The following CDC73 variants were observed in gnomAD, a reference collection of about 807,000 sequenced individuals.
CDC73 encodes parafibromin.
CDC73 carries 21 observed loss-of-function variants against 83.7 expected under a neutral mutation model. The observed-to-expected ratio is 0.25, with a 90% CI of 0.18 to 0.36. The LOEUF (loss-of-function observed/expected upper bound fraction) is 0.36, where lower values mean the gene tolerates loss of function less well. CDC73 is among the 10% of genes least tolerant of loss of function. The pLI, the probability that CDC73 is intolerant of heterozygous loss-of-function variation, is 1.00. For synonymous variants in CDC73, 224 were observed against 212.9 expected (o/e 1.05, Z -0.45); for missense variants, 342 against 653.3 (o/e 0.52, Z 5.19).
intron 10 of CDC73, among the ~76,000 whole-genome samples, chr1:193,182,277 A>T (rs908633171): frequency 5.9e-5 from 9 of 152,174 alleles, no homozygotes; most frequent in African/African-American, 1.9e-4. Context: ...TTCAGGGTCT[A>T]GTAACTTCAG....
At chr1:193,250,183 A>G (rs1312408208) in intron 16 of CDC73, among the ~76,000 whole-genome samples, 2 of 152,038 alleles carry the variant, frequency 1.3e-5, no homozygotes, top group Middle Eastern at 3.4e-3. Context: ...ACTTTGGATT[A>G]AGAGAACCCT....
rs564049164 is a variant in CDC73 at position 193,141,507 on chromosome 1, C to CTG, written c.513-333_513-332dup. ...TTTTTACCTCCTTCCAAAGTGGCATCTGTGTGTGTGTTTAATTTCCATAGA... is the reference window on the plus strand; with the variant it reads ...TTTTTACCTCCTTCCAAAGTGGCATCTGTGTGTGTGTGTTTAATTTCCATAGA... On this transcript the variant is annotated intron_variant, in intron 6 of 16. Transcript: ENST00000367435. Among the ~76,000 whole-genome samples the CTG allele has an allele frequency of 1.7e-4, 26 of 152,164 alleles. No homozygotes were observed. The South Asian group carries it at 5.0e-3, about 29-fold the overall frequency.
At chr1:193,163,506 G>A (rs187592702) in intron 10 of CDC73, among the ~76,000 whole-genome samples, 1 of 151,390 alleles carries the variant, frequency 6.6e-6, no homozygotes, top group African/African-American at 2.4e-5. Context: ...GACCCTGCCC[G>A]CCCCCCAAAA....
intron 9 of CDC73, among the ~76,000 whole-genome samples, chr1:193,150,975 T>A (rs1195973340): frequency 2.0e-5 from 3 of 152,236 alleles, no homozygotes; most frequent in Admixed American, 2.0e-4. Flanking sequence ...TTAAGTCATT[T>A]TTCCCAAGTT....
intron 14 of CDC73, among the ~76,000 whole-genome samples, chr1:193,234,215 A>G (rs1677713214): frequency 8.6e-6 from 1 of 116,794 alleles, no homozygotes; most frequent in Admixed American, 8.4e-5. Context: ...ACACACACAC[A>G]CACACATATA....
intron 10 of CDC73, among the ~76,000 whole-genome samples, chr1:193,195,462 G>T (rs984789980): frequency 3.3e-5 from 5 of 152,006 alleles, no homozygotes; most frequent in African/African-American, 1.2e-4. Flanking sequence ...ATGAACTTGG[G>T]TGTAAAAATA....
At chr1:193,162,735 C>T (rs1309722490) in intron 10 of CDC73, among the ~76,000 whole-genome samples, 1 of 152,034 alleles carries the variant, frequency 6.6e-6, no homozygotes, top group Non-Finnish European at 1.5e-5. Context: ...ACAGTGAATT[C>T]TGGACATTAT....
At chr1:193,154,320 A>G (rs1428560013) in intron 10 of CDC73, among the ~76,000 whole-genome samples, 1 of 152,108 alleles carries the variant, frequency 6.6e-6, no homozygotes, top group African/African-American at 2.4e-5. Flanking sequence ...TTATTATCTG[A>G]GCTTCTTTGC....
intron 10 of CDC73, among the ~76,000 whole-genome samples, chr1:193,189,088 G>A (rs1442395832): frequency 6.6e-6 from 1 of 151,830 alleles, no homozygotes; most frequent in Non-Finnish European, 1.5e-5. Context: ...CGAGTACCTG[G>A]GATTACAGGC....
intron 11 of CDC73, among the ~76,000 whole-genome samples, chr1:193,209,207 G>A (rs1339585871): frequency 1.3e-5 from 2 of 152,192 alleles, no homozygotes; most frequent in African/African-American, 4.8e-5. Context: ...CAGAGCAACA[G>A]TAATTTTTCT....
chr1:193,225,523 A>G (rs1048252981), intron 13 of CDC73, among the ~76,000 whole-genome samples: 3 of 152,144 alleles, frequency 2.0e-5, no homozygotes, highest in African/African-American at 7.2e-5. Context: ...CATTCCCACT[A>G]GCAATGTAGA....
At position 193,236,261 on chromosome 1, in the gene CDC73, G is replaced by A. The variant is rs778432682; in HGVS notation, c.1322G>A (p.Arg441His). The A allele has an allele frequency of 3.1e-6, 5 of 1,612,444 alleles. No homozygotes were observed. The highest frequency in any genetic ancestry group is 3.4e-6 in the Non-Finnish European group (4 of 1,178,490). ...PLKLMPQDWD[R>H]VVAVFVQGPA... ...ACCCACTTTTCTACTTGTAGGGACC[G>A]CGTTGTAGCCGTTTTTGTGCAGGGT... The change falls in exon 15 of 17, where the codon CGC becomes CAC. Residue 441 changes from arginine to histidine, a missense_variant. Arg to His is a conservative substitution (Grantham distance 29). This residue lies in a region of CDC73 where 239 missense variants were observed against 420.6 expected (regional missense o/e 0.57). Coordinates refer to ENST00000367435, the MANE Select transcript of CDC73 (RefSeq NM_024529.5).
At chr1:193,204,253 A>ATGTGTGTGTGTGTGTG (rs370382322) in intron 11 of CDC73, among the ~76,000 whole-genome samples, 14 of 123,798 alleles carry the variant, frequency 1.1e-4, no homozygotes, top group African/African-American at 4.1e-4. Flanking sequence ...ATATATGTGT[A>ATGTGTGTGTGTGTGTG]TGTGTGTGTG....
chr1:193,243,671 AT>A lies in CDC73; in HGVS notation c.1418-6051del, dbSNP rs553014320. Among the ~76,000 whole-genome samples, 96 of 152,180 alleles carry A rather than the reference AT, an allele frequency of 6.3e-4. 2 individuals are homozygous for A. Among genetic ancestry groups the A allele is most frequent in the South Asian group, 5.4e-3 (26 of 4,822 alleles). On this transcript the variant is annotated intron_variant, in intron 15 of 16. Transcript: ENST00000367435. ...TTTACACTGAATGCATGAGTTTTAA[AT>A]TTTTTTTAATTGACAAATTTATTTT...
Position 193,254,112 on chromosome 1 carries a change from T to A in CDC73, c.*3400T>A, listed in dbSNP as rs1160336625. On this transcript the variant is annotated 3_prime_UTR_variant, in exon 17 of 17. Coordinates refer to ENST00000367435, the MANE Select transcript of CDC73 (RefSeq NM_024529.5). ...TTTAAATGCAAAATTATGAGTAAGA[T>A]AAGTCTTTTTAAATTTTTTATTTTT... is the stretch of plus-strand genomic sequence containing the variant. 6.6e-6 allele frequency among the ~76,000 whole-genome samples: 1 copy of A among 151,946 alleles called. No individual in the cohort carries two copies.
At chr1:193,234,790 A>C (rs1370883938) in intron 14 of CDC73, among the ~76,000 whole-genome samples, 2 of 152,200 alleles carry the variant, frequency 1.3e-5, no homozygotes, top group African/African-American at 4.8e-5. Context: ...AAACTGAAAG[A>C]TTATTTAATA....
At chr1:193,142,251 G>A (rs1219403878) in intron 7 of CDC73, among the ~76,000 whole-genome samples, 185 bp downstream of exon 7, 1 of 152,122 alleles carries the variant, frequency 6.6e-6, no homozygotes, top group African/African-American at 2.4e-5. Context: ...CTTGAATATG[G>A]TTGTTAGACA....
chr1:193,147,357 T>C (rs184032928), intron 7 of CDC73, among the ~76,000 whole-genome samples: 66 of 151,762 alleles, frequency 4.3e-4, no homozygotes, highest in Admixed American at 4.3e-3. Flanking sequence ...AATACATTTG[T>C]AGCAGTTTTT....
At chr1:193,204,253 A>ATGTGTGTGTGTGTG (rs370382322) in intron 11 of CDC73, among the ~76,000 whole-genome samples, 107 of 123,752 alleles carry the variant, frequency 8.6e-4, no homozygotes, top group African/African-American at 2.9e-3. Flanking sequence ...ATATATGTGT[A>ATGTGTGTGTGTGTG]TGTGTGTGTG....
Sources: gnomAD v4.1 joint callset for allele counts (sites outside exome capture counted in the v4.1 genomes callset) on GRCh38, gnomAD v4.1.1 for gene constraint, gnomAD v4.1.1 regional missense constraint, MANE v1.5 for transcripts, NCBI Gene and HGNC (gene_info 2026-07-23, HGNC 2026-07-21) for gene names.